Variants in MUC12 observed in about 807,000 individuals in gnomAD.
MUC12 encodes the protein mucin-12.
A neutral mutation model predicts 230.8 loss-of-function variants in MUC12; 172 were observed. That is an observed-to-expected ratio of 0.75 (90% confidence interval 0.66 to 0.85). The LOEUF (loss-of-function observed/expected upper bound fraction) is 0.85, where lower values mean the gene tolerates loss of function less well. MUC12 is among the 40% of genes least tolerant of loss of function. The pLI, the probability that MUC12 is intolerant of heterozygous loss-of-function variation, is 0.00. For synonymous variants in MUC12, 1,259 were observed against 2,401.9 expected, an observed-to-expected ratio of 0.52 and a Z score of 13.91; for missense variants, 3,506 against 5,920.6, an observed-to-expected ratio of 0.59 and a Z score of 13.38.
Position 100,999,013 on chromosome 7 carries a change from C to G in MUC12, c.8450C>G (p.Ser2817Cys), listed in dbSNP as rs1793539842. The stretch of plus-strand genomic sequence containing the variant: ...GGAACAACACTCTCACCTGCCCGCT[C>G]CACCACCTCTGGCCTCGTTGGAGAA... Reference protein sequence around the residue: ...STGTTLSPARSTTSGLVGEST... With the variant: ...STGTTLSPARCTTSGLVGEST... The change falls in exon 2 of 12, where the codon TCC becomes TGC. Residue 2817 changes from serine (S) to cysteine (C), a missense_variant. Transcript: ENST00000536621. The G allele has an allele frequency of 6.5e-7, 1 of 1,531,872 alleles. No individual in the cohort carries two copies. The highest frequency in any genetic ancestry group is 1.4e-5 in the African/African-American group (1 of 72,944). 94.9% of individuals were successfully genotyped at this position (1,531,872 alleles called of 1,614,324 possible). A position where few individuals can be genotyped will look rare whatever the true frequency, so the allele number is the denominator to read the frequency against.
At chr7:101,008,396 C>A (rs1184112251) in intron 3 of MUC12, among the ~76,000 whole-genome samples, 2 of 152,130 alleles carry the variant, frequency 1.3e-5, no homozygotes, top group Non-Finnish European at 2.9e-5. Flanking sequence ...AGCACCCGGC[C>A]CAGGGCTCTT....
chr7:100,991,559 A>G lies in MUC12; in HGVS notation c.996A>G (p.Pro332=). The G allele has an allele frequency of 6.5e-7, 1 of 1,536,906 alleles. No individual in the cohort carries two copies. Reference sequence around the variant, plus strand: ...TGGGCCATAGTGAGGAATCGACACCAGTCCACAGCAGCCCAGTTGCAACTG... The same window carrying G: ...TGGGCCATAGTGAGGAATCGACACCGGTCCACAGCAGCCCAGTTGCAACTG... ...TTLGHSEEST[P]VHSSPVATAT... is the part of the protein sequence containing the mutation. The change falls in exon 2 of 12, where the codon CCA becomes CCG. Residue 332 remains proline, a synonymous_variant. Transcript: ENST00000536621.
At chr7:101,013,427 G>GTATCTC (rs572264377) in intron 8 of MUC12, among the ~76,000 whole-genome samples, 1,666 of 152,166 alleles carry the variant, frequency 0.011, 10 homozygotes, top group African/African-American at 0.023. Context: ...ATCTTTGTCT[G>GTATCTC]TATCTCTATC....
chr7:100,982,799 A>G lies in MUC12; in HGVS notation c.68-7832A>G, dbSNP rs1342085503. 2.0e-5 allele frequency among the ~76,000 whole-genome samples: 3 copies of G among 152,032 alleles called. No individual in the cohort carries two copies. In the East Asian group the frequency reaches 5.8e-4, roughly 29 times the overall value. On this transcript the variant is annotated intron_variant, in intron 1 of 11. Coordinates refer to ENST00000536621, the MANE Select transcript of MUC12 (RefSeq NM_001164462.2). ...AGCTGGAGTGCAGTGGTGCAATCAT[A>G]GCTCACTGCAGCCTTGAGCTCCTGG...
In MUC12 at chr7:100,991,727, T is replaced by C. The variant is rs1793313776; in HGVS notation, c.1164T>C (p.Thr388=). ...CAGGCCATAGTGAAGAATCAGCAAC[T>C]TTCCACGGCAGCACAACACACACAA... The part of the protein sequence containing the change: ...TTSGHSEESA[T]FHGSTTHTKS... Residue 388 remains threonine, a synonymous_variant, in exon 2 of 12, where the codon ACT becomes ACC. Transcript: ENST00000536621. 10 of 1,537,964 alleles carry C rather than the reference T, an allele frequency of 6.5e-6. No individual in the cohort carries two copies. The highest frequency in any genetic ancestry group is 7.8e-6 in the Non-Finnish European group (9 of 1,147,078).
Position 101,004,740 on chromosome 7 carries a change from C to T in MUC12, c.14177C>T (p.Ala4726Val), listed in dbSNP as rs942517345. 3.9e-6 allele frequency: 6 copies of T among 1,536,864 alleles called. No homozygotes were observed. Among genetic ancestry groups the T allele is most frequent in the African/African-American group, 1.4e-5 (1 of 72,992 alleles). ...ISPGSMETTL[A>V]STATTPGLSA... ...CCAGGCTCAATGGAAACAACATTAG[C>T]CAGCACTGCCACAACACCAGGCCTC... Residue 4726 changes from alanine to valine, a missense_variant, in exon 2 of 12, where the codon GCC becomes GTC. Transcript: ENST00000536621.
intron 1 of MUC12, among the ~76,000 whole-genome samples, chr7:100,970,452 A>C (rs1584820834): frequency 6.6e-6 from 1 of 151,010 alleles, no homozygotes; most frequent in East Asian, 1.9e-4. Context: ...GTGGCACTGC[A>C]CTCCAGCCTG....
At chr7:101,010,891 C>T (rs1416841115) in intron 5 of MUC12, among the ~76,000 whole-genome samples, 1 of 152,006 alleles carries the variant, frequency 6.6e-6, no homozygotes, top group African/African-American at 2.4e-5. Flanking sequence ...TTCAAGTGAT[C>T]CTCCCGCCTC....
intron 1 of MUC12, among the ~76,000 whole-genome samples, chr7:100,987,001 A>G (rs1382508298): frequency 1.3e-5 from 2 of 150,668 alleles, no homozygotes; most frequent in Non-Finnish European, 2.9e-5. Context: ...GTACTGTCCC[A>G]TGTTCTAAGT....
rs1422816488 is a variant in MUC12 at position 101,015,639 on chromosome 7, G to A, written c.15825G>A (p.Glu5275=). Residue 5275 remains glutamate, a synonymous_variant, in exon 10 of 12, where the codon GAG becomes GAA. Transcript: ENST00000536621. ...GGGAACAGTATGATGTGCCTCAAGA[G>A]TGGCGAAAGGAAGGCACCCCTGGCA... ...RHREQYDVPQ[E]WRKEGTPGIF... The A allele has an allele frequency of 6.5e-7, 1 of 1,537,610 alleles. No homozygotes were observed.
At position 101,003,892 on chromosome 7, in the gene MUC12, CA is replaced by C; in HGVS notation, c.13330del (p.Thr4444GlnfsTer60). On this transcript the variant is annotated frameshift_variant, in exon 2 of 12. Coordinates refer to ENST00000536621, the MANE Select transcript of MUC12 (RefSeq NM_001164462.2). LOFTEE classifies it high-confidence loss of function. ...AAGAATCAACAACTTCCCACAGCAG[CA>C]CAACACACACAATATCTTCAGCTCC... Reference protein sequence around the residue: ...GEESTTSHSSTTHTISSAPST... With the variant: ...GEESTTSHSSXTHTISSAPST... 1 of 1,454,686 alleles carries C rather than the reference CA, an allele frequency of 6.9e-7. No homozygotes were observed. Among genetic ancestry groups the C allele is most frequent in the African/African-American group, 1.9e-5 (1 of 53,818 alleles). 90.1% of individuals were successfully genotyped at this position (1,454,686 alleles called of 1,614,324 possible). A position where few individuals can be genotyped will look rare whatever the true frequency, so the allele number is the denominator to read the frequency against.
intron 1 of MUC12, among the ~76,000 whole-genome samples, chr7:100,988,289 GAAAAA>G (rs1167163725): frequency 5.1e-5 from 4 of 78,732 alleles, no homozygotes; most frequent in Non-Finnish European, 1.0e-4. Context: ...GGCTGTCCCA[GAAAAA>G]AAAAAAAAAA....
rs1240196454 is a variant in MUC12, at chr7:100,992,340, C to G, written c.1777C>G (p.Pro593Ala). 6.5e-7 allele frequency: 1 copy of G among 1,536,836 alleles called. No individual in the cohort carries two copies. Among genetic ancestry groups the G allele is most frequent in the South Asian group, 1.2e-5 (1 of 83,996 alleles). ...AGGCTCCACTGAAACAACACTCTTA[C>G]CTGACAACACCACAGCCTCAGGACT... is the stretch of plus-strand genomic sequence containing the variant. ...RPGSTETTLL[P>A]DNTTASGLLE... is the part of the protein sequence containing the mutation. The change falls in exon 2 of 12, where the codon CCT becomes GCT. Residue 593 changes from proline (P) to alanine (A), a missense_variant. Physicochemically the swap from Pro to Ala is conservative, Grantham distance 27. Coordinates refer to ENST00000536621, the MANE Select transcript of MUC12 (RefSeq NM_001164462.2).
chr7:100,981,382 C>A, intron 1 of MUC12: 1 of 647,418 alleles, frequency 1.5e-6, no homozygotes, highest in South Asian at 1.6e-5. Context: ...AGTGAAGAAC[C>A]TGGGCTTGGT....
intron 11 of MUC12, 143 bp downstream of exon 11, chr7:101,017,806 T>G: frequency 2.4e-6 from 1 of 409,170 alleles, no homozygotes; most frequent in Non-Finnish European, 4.1e-6. Context: ...CCCCTTCCCT[T>G]TCCCTTCCCC....
chr7:100,975,592 G>A (rs1186358265), intron 1 of MUC12, among the ~76,000 whole-genome samples: 1 of 152,310 alleles, frequency 6.6e-6, no homozygotes, highest in Non-Finnish European at 1.5e-5. Context: ...ACAGTTTATA[G>A]TAGAGTTAAT....
At chr7:100,982,891 C>T (rs1166821318) in intron 1 of MUC12, among the ~76,000 whole-genome samples, 2 of 151,980 alleles carry the variant, frequency 1.3e-5, no homozygotes, top group African/African-American at 4.8e-5. Flanking sequence ...ATGTACCACA[C>T]TGGGCTAATA....
Position 101,005,534 on chromosome 7 carries a change from A to G in MUC12, c.14956+15A>G. ...CTTAGCACCAGGTACTGCTCTTTCC[A>G]TTTCATCCACGTTTAGCTTCTTCTC... On this transcript the variant is annotated intron_variant, in intron 2 of 11. Coordinates refer to ENST00000536621, the MANE Select transcript of MUC12 (RefSeq NM_001164462.2). The G allele has an allele frequency of 6.5e-7, 1 of 1,526,756 alleles. No individual in the cohort carries two copies. The highest frequency in any genetic ancestry group is 1.7e-4 in the Middle Eastern group (1 of 5,934). 94.6% of individuals were successfully genotyped at this position (1,526,756 alleles called of 1,614,324 possible).
rs1179963926 is a variant in MUC12 at position 100,995,723 on chromosome 7, G to A, written c.5160G>A (p.Pro1720=). 17 of 1,535,622 alleles carry A rather than the reference G, an allele frequency of 1.1e-5. No homozygotes were observed. Among genetic ancestry groups the A allele is most frequent in the Middle Eastern group, 1.7e-4 (1 of 5,978 alleles). The change falls in exon 2 of 12, where the codon CCG becomes CCA. Residue 1720 remains proline (P), a synonymous_variant. Transcript: ENST00000536621. The stretch of plus-strand genomic sequence containing the variant: ...TATCTACAACCTCCCACGGCAGCCC[G>A]AGCTCAACTCCAACAACCCACTTTT... ...VELSTTSHGS[P]SSTPTTHFSA...
Sources: allele counts gnomAD v4.1 joint callset (sites outside exome capture counted in the v4.1 genomes callset), GRCh38; gene constraint gnomAD v4.1.1; transcripts MANE v1.5; gene names NCBI Gene and HGNC (gene_info 2026-07-23, HGNC 2026-07-21).